The following SUMF1 variants were observed in gnomAD, a reference collection of about 807,000 sequenced individuals.
SUMF1 encodes the protein formylglycine-generating enzyme.
Under a neutral mutation model 47.6 loss-of-function variants are expected in SUMF1, and 48 were observed. The ratio of observed to expected loss-of-function variants is 1.01; its 90% confidence interval spans 0.80 to 1.28. The LOEUF is 1.28. SUMF1 is among the 50% of genes most tolerant of loss of function. The probability of loss-of-function intolerance (pLI) is 0.00; values close to 1 mark genes in which losing one functional copy is unlikely to be tolerated. For missense variants in SUMF1, 571 were observed against 485.4 expected (o/e 1.18, Z -1.66); for synonymous variants, 230 against 192.1 (o/e 1.20, Z -1.63).
chr3:4,463,679 C>T (rs2079869630), intron 1 of SUMF1, among the ~76,000 whole-genome samples: 1 of 152,180 alleles, frequency 6.6e-6, no homozygotes, highest in Non-Finnish European at 1.5e-5. Flanking sequence ...GGAAGCATTA[C>T]CAGTCAGAAA....
intron 8 of SUMF1, among the ~76,000 whole-genome samples, chr3:4,248,777 A>T (rs920917830): frequency 3.3e-5 from 5 of 152,246 alleles, no homozygotes; most frequent in Admixed American, 6.5e-5. Context: ...AACTATAGAC[A>T]GAAGGAAACA....
chr3:4,460,247 G>T (rs1169161950), intron 1 of SUMF1, among the ~76,000 whole-genome samples: 1 of 152,076 alleles, frequency 6.6e-6, no homozygotes, highest in Non-Finnish European at 1.5e-5. Flanking sequence ...TGCATGCAGT[G>T]GTTGTCTGAG....
Position 4,452,969 on chromosome 3 carries a change from C to A in SUMF1, c.351G>T (p.Arg117Ser). 6.2e-7 allele frequency: 1 copy of A among 1,614,194 alleles called. No homozygotes were observed. Among genetic ancestry groups the A allele is most frequent in the Admixed American group, 1.7e-5 (1 of 60,024 alleles). The change falls in exon 2 of 9, where the codon AGG (arginine) becomes AGT (serine). Residue 117 changes from arginine (R) to serine (S), a missense_variant. Transcript: ENST00000272902. Reference sequence around the variant, plus strand: ...TGTAAAAGGCATCAATAGTAACTCTCCTCGCAGGTGCTTCCCCATCCTGCT... The same window carrying A: ...TGTAAAAGGCATCAATAGTAACTCTACTCGCAGGTGCTTCCCCATCCTGCT... ...QIKQDGEAPARRVTIDAFYMD... is the reference protein window; with the variant it reads ...QIKQDGEAPASRVTIDAFYMD...
rs192723878 is a variant in SUMF1 at position 4,204,083 on chromosome 3, G to C, written c.1015-135338C>G. 2.5e-3 allele frequency among the ~76,000 whole-genome samples: 374 copies of C among 152,006 alleles called. 4 individuals carry two copies. Among genetic ancestry groups the C allele is most frequent in the Non-Finnish European group, 7.8e-4 (53 of 67,916 alleles). Reference sequence around the variant, plus strand: ...ACTTACTATTATCCATGAGTTTTGTGCCTTCAGATGATTTCTTAGTGCTCA... The same window carrying C: ...ACTTACTATTATCCATGAGTTTTGTCCCTTCAGATGATTTCTTAGTGCTCA... On this transcript the variant is annotated intron_variant and NMD_transcript_variant, in intron 8 of 12. Transcript: ENST00000448413.
chr3:4,383,077 G>A (rs55890748), intron 7 of SUMF1, among the ~76,000 whole-genome samples: 3 of 150,270 alleles, frequency 2.0e-5, no homozygotes, highest in African/African-American at 2.4e-5. Context: ...ATAATAAAAA[G>A]AAAAAAAAAA....
chr3:4,179,303 A>G (rs1452600752), intron 8 of SUMF1, among the ~76,000 whole-genome samples: 2 of 152,170 alleles, frequency 1.3e-5, no homozygotes, highest in Non-Finnish European at 2.9e-5. Context: ...AGGCTTCAGT[A>G]ACCAAAACAG....
intron 8 of SUMF1, among the ~76,000 whole-genome samples, chr3:4,174,356 C>CAA (rs547741138): frequency 0.18 from 20,364 of 112,022 alleles, 1,873 homozygotes; most frequent in East Asian, 0.38. Context: ...ACTCCGTCTC[C>CAA]AAAAAAAAAA....
intron 3 of SUMF1, 68 bp downstream of exon 3, chr3:4,449,198 G>A (rs925665026): frequency 9.5e-6 from 15 of 1,574,738 alleles, no homozygotes; most frequent in Non-Finnish European, 1.3e-5. Context: ...ATGTGGTTTG[G>A]ATTTTTCACC....
chr3:4,178,235 CA>C (rs1378542862), intron 8 of SUMF1, among the ~76,000 whole-genome samples: 1 of 151,994 alleles, frequency 6.6e-6, no homozygotes, highest in Non-Finnish European at 1.5e-5. Context: ...AGAGACACAA[CA>C]AAAAAAGAGA....
intron 7 of SUMF1, 54 bp downstream of exon 7, chr3:4,410,811 C>T: frequency 1.3e-6 from 2 of 1,507,586 alleles, no homozygotes; most frequent in South Asian, 1.1e-5. Flanking sequence ...CTGCAGACTG[C>T]CCAGAGGACA....
intron 8 of SUMF1, among the ~76,000 whole-genome samples, chr3:4,273,010 G>A (rs571598614): frequency 1.3e-5 from 2 of 151,972 alleles, no homozygotes; most frequent in Admixed American, 1.3e-4. Flanking sequence ...TGTGAGCTAT[G>A]ATCATGCCAC....
At chr3:4,056,460 G>A (rs1393969162) in intron 9 of SUMF1, among the ~76,000 whole-genome samples, 8 of 152,200 alleles carry the variant, frequency 5.3e-5, no homozygotes, top group African/African-American at 1.7e-4. Flanking sequence ...GATCACTTGA[G>A]CCCAGGAGTT....
intron 1 of SUMF1, among the ~76,000 whole-genome samples, chr3:4,461,459 T>C (rs955377743): frequency 4.6e-5 from 7 of 152,254 alleles, no homozygotes; most frequent in Non-Finnish European, 8.8e-5. Context: ...AAATACTTCC[T>C]GTTAGGAGAA....
chr3:4,233,048 A>G (rs1381990963), intron 8 of SUMF1, among the ~76,000 whole-genome samples: 2 of 152,176 alleles, frequency 1.3e-5, no homozygotes, highest in Non-Finnish European at 2.9e-5. Flanking sequence ...TAAAGCAAAC[A>G]TCTGTACCCA....
intron 8 of SUMF1, among the ~76,000 whole-genome samples, chr3:4,264,696 A>C (rs1697153421): frequency 6.6e-6 from 1 of 152,180 alleles, no homozygotes; most frequent in Admixed American, 6.5e-5. Flanking sequence ...CAGAAAGTGG[A>C]CTCATTGTAA....
intron 3 of SUMF1, among the ~76,000 whole-genome samples, chr3:4,420,635 A>G (rs1414844885): frequency 6.6e-6 from 1 of 152,026 alleles, no homozygotes; most frequent in Non-Finnish European, 1.5e-5. Context: ...TGACCTTGTG[A>G]TCCGCCCGCC....
chr3:4,266,539 G>A (rs1168831643), intron 8 of SUMF1, among the ~76,000 whole-genome samples: 2 of 152,170 alleles, frequency 1.3e-5, no homozygotes, highest in African/African-American at 2.4e-5. Flanking sequence ...TCTTATTGGT[G>A]TATAAGAATG....
intron 8 of SUMF1, among the ~76,000 whole-genome samples, chr3:4,182,763 G>C (rs751704499): frequency 1.3e-5 from 2 of 152,134 alleles, no homozygotes; most frequent in Non-Finnish European, 2.9e-5. Context: ...CACTAGTGGA[G>C]AGTCATCATG....
At chr3:4,159,578 T>C (rs1694530280) in intron 8 of SUMF1, among the ~76,000 whole-genome samples, 1 of 152,092 alleles carries the variant, frequency 6.6e-6, no homozygotes, top group South Asian at 2.1e-4. Context: ...GAATAGTTCA[T>C]ACACCACAAT....
Sources: gnomAD v4.1 joint callset for allele counts (sites outside exome capture counted in the v4.1 genomes callset) on GRCh38, gnomAD v4.1.1 for gene constraint, MANE v1.5 for transcripts, NCBI Gene and HGNC (gene_info 2026-07-23, HGNC 2026-07-21) for gene names.